The following MAP3K8 variants were observed in gnomAD, a reference collection of about 807,000 sequenced individuals.
MAP3K8 encodes mitogen-activated protein kinase kinase kinase 8, also known as Ewing sarcoma transformant.
Under a neutral mutation model 45.8 loss-of-function variants are expected in MAP3K8, and 22 were observed. The observed-to-expected ratio is 0.48, with a 90% CI of 0.34 to 0.69. MAP3K8 has a LOEUF of 0.69. Ranked by LOEUF, MAP3K8 falls within the 30% of genes least tolerant of loss-of-function variation. The pLI, the probability that MAP3K8 is intolerant of heterozygous loss-of-function variation, is 0.01. For missense variants in MAP3K8, 419 were observed against 585.0 expected, an observed-to-expected ratio of 0.72 and a Z score of 2.93; for synonymous variants, 223 against 214.3, an observed-to-expected ratio of 1.04 and a Z score of -0.36.
chr10:30,461,623 C>A lies in MAP3K8; in HGVS notation c.*787C>A, dbSNP rs942406283. On this transcript the variant is annotated 3_prime_UTR_variant, in exon 9 of 9. Coordinates refer to ENST00000263056, the MANE Select transcript of MAP3K8 (RefSeq NM_005204.4). Reference sequence around the variant, plus strand: ...TTTGTAATTCTTATGACTAAATTTTCTTTTAAGCATTTGTATATTAAAATA... The same window carrying A: ...TTTGTAATTCTTATGACTAAATTTTATTTTAAGCATTTGTATATTAAAATA... 1 of 187,598 alleles carries A rather than the reference C, an allele frequency of 5.3e-6. No individual in the cohort carries two copies. Among genetic ancestry groups the A allele is most frequent in the African/African-American group, 2.3e-5 (1 of 42,718 alleles). 11.6% of individuals were successfully genotyped at this position (187,598 alleles called of 1,614,324 possible). A position where few individuals can be genotyped will look rare whatever the true frequency, so the allele number is the denominator to read the frequency against.
At position 30,447,886 on chromosome 10, in the gene MAP3K8, C is replaced by A; in HGVS notation, c.441C>A (p.Gly147=). The change falls in exon 4 of 9, where the codon GGC becomes GGA. Residue 147 remains glycine, a synonymous_variant. Transcript: ENST00000263056. ...RNIGSDFIPR[G]AFGKVYLAQD... is the part of the protein sequence containing the mutation. ...TTGGTTCTGATTTTATTCCTCGGGG[C>A]GCCTTTGGAAAGGTATACTTGGCAC... 1.9e-6 allele frequency: 3 copies of A among 1,613,638 alleles called. 1 individual carries two copies. Among genetic ancestry groups the A allele is most frequent in the Non-Finnish European group, 2.5e-6 (3 of 1,179,786 alleles).
rs575427561 is a variant in MAP3K8, at chr10:30,456,791, G to A, written c.874-1293G>A. On this transcript the variant is annotated intron_variant, in intron 6 of 8. Transcript: ENST00000263056. The stretch of plus-strand genomic sequence containing the variant: ...TGGGCTCAAGCAATCTTCCTGCCTC[G>A]GCCTTCCAAAGTGCTGAGATTCAGT... 3.9e-5 allele frequency among the ~76,000 whole-genome samples: 6 copies of A among 152,022 alleles called. No homozygotes were observed. In the South Asian group the frequency reaches 6.2e-4, roughly 16 times the overall value.
intron 7 of MAP3K8, 31 bp downstream of exon 7, chr10:30,458,267 G>GC: frequency 8.2e-7 from 1 of 1,225,806 alleles, no homozygotes; most frequent in Non-Finnish European, 1.1e-6. Context: ...GCTGGGGGCG[G>GC]CGGGGGGGGG....
rs190602161 is a variant in MAP3K8, at chr10:30,451,816, G to A, written c.873+72G>A. 1.2e-4 allele frequency: 100 copies of A among 852,982 alleles called. 2 individuals carry two copies. The Admixed American group carries it at 2.5e-3, about 21-fold the overall frequency. 52.8% of individuals were successfully genotyped at this position (852,982 alleles called of 1,614,324 possible). A position where few individuals can be genotyped will look rare whatever the true frequency, so the allele number is the denominator to read the frequency against. On this transcript the variant is annotated intron_variant, in intron 6 of 8. Coordinates refer to ENST00000263056, the MANE Select transcript of MAP3K8 (RefSeq NM_005204.4). ...AAGGAAAAAATGTTCTAGAATTATT[G>A]TGGGAACGAAGGACAAAGAAGGGGA...
chr10:30,459,313 G>A lies in MAP3K8; in HGVS notation c.1085G>A (p.Arg362Lys). 1 of 1,614,170 alleles carries A rather than the reference G, an allele frequency of 6.2e-7. No homozygotes were observed. ...DIADDCSPGM[R>K]ELIEASLERN... is the part of the protein sequence containing the mutation. ...GCAGATGACTGCAGTCCAGGGATGA[G>A]AGAGCTGATAGAAGCTTCCCTGGAG... The change falls in exon 8 of 9, where the codon AGA becomes AAA. Residue 362 changes from arginine (R) to lysine (K), a missense_variant. Around this residue, in one of 3 missense-constraint regions of MAP3K8, gnomAD observed 209 missense variants for 367.3 expected, o/e 0.57. Coordinates refer to ENST00000263056, the MANE Select transcript of MAP3K8 (RefSeq NM_005204.4).
intron 3 of MAP3K8, among the ~76,000 whole-genome samples, chr10:30,446,617 G>A (rs976503959): frequency 6.6e-6 from 1 of 151,734 alleles, no homozygotes; most frequent in Non-Finnish European, 1.5e-5. Context: ...TGATTACATT[G>A]AGGAGAAACT....
At chr10:30,443,798 G>A (rs1836205074) in intron 3 of MAP3K8, among the ~76,000 whole-genome samples, 1 of 152,222 alleles carries the variant, frequency 6.6e-6, no homozygotes, top group Admixed American at 6.5e-5. Flanking sequence ...CAGTGATCTG[G>A]ATGAGGAGAT....
chr10:30,451,698 A>G lies in MAP3K8; in HGVS notation c.827A>G (p.Gln276Arg). The G allele has an allele frequency of 6.3e-7, 1 of 1,598,300 alleles. No individual in the cohort carries two copies. ...AVLVDFGLSV[Q>R]MTEDVYFPKD... ...TTGGTGGATTTTGGCCTAAGTGTTC[A>G]AATGACCGAAGATGTCTATTTTCCT... is the stretch of plus-strand genomic sequence containing the variant. Residue 276 changes from glutamine to arginine, a missense_variant, in exon 6 of 9, where the codon CAA (glutamine) becomes CGA (arginine). Around this residue, in one of 3 missense-constraint regions of MAP3K8, gnomAD observed 209 missense variants for 367.3 expected, o/e 0.57. Transcript: ENST00000263056.
chr10:30,438,758 C>T (rs1359604873), intron 2 of MAP3K8, 158 bp from the exon 3 acceptor site: 2 of 559,510 alleles, frequency 3.6e-6, no homozygotes, highest in South Asian at 2.2e-5. Context: ...CAACTCTGCA[C>T]TGTCAACTTG....
chr10:30,438,919 C>T lies in MAP3K8; in HGVS notation c.-20C>T, dbSNP rs1302582568. ...ATATTTGTGTTTTCTTTCCTAGACT[C>T]TCCAGAAAGAGCAACAGTAATGGAG... On this transcript the variant is annotated 5_prime_UTR_variant, in exon 3 of 9. Transcript: ENST00000263056. The T allele has an allele frequency of 6.5e-7, 1 of 1,546,802 alleles. No homozygotes were observed. Among genetic ancestry groups the T allele is most frequent in the Non-Finnish European group, 8.8e-7 (1 of 1,130,696 alleles).
intron 6 of MAP3K8, 40 bp from the exon 7 acceptor site, chr10:30,458,044 G>A (rs772742956): frequency 7.8e-6 from 11 of 1,411,052 alleles, no homozygotes; most frequent in Non-Finnish European, 3.7e-6. Context: ...CCCACACAAA[G>A]GAGGGGAATG....
At chr10:30,435,601 G>A (rs1476626431) in intron 1 of MAP3K8, among the ~76,000 whole-genome samples, 3 of 152,162 alleles carry the variant, frequency 2.0e-5, no homozygotes, top group East Asian at 1.9e-4. Flanking sequence ...CGCCCAGGCT[G>A]GAGCGCAATG....
At chr10:30,454,747 G>A (rs1416648555) in intron 6 of MAP3K8, among the ~76,000 whole-genome samples, 2 of 149,892 alleles carry the variant, frequency 1.3e-5, no homozygotes, top group South Asian at 2.1e-4. Flanking sequence ...AAGGGAAGCT[G>A]TACTTTTTTT....
At position 30,450,334 on chromosome 10, in the gene MAP3K8, A is replaced by G; in HGVS notation, c.581A>G (p.Tyr194Cys). 1 of 1,614,172 alleles carries G rather than the reference A, an allele frequency of 6.2e-7. No individual in the cohort carries two copies. Among genetic ancestry groups the G allele is most frequent in the Non-Finnish European group, 8.5e-7 (1 of 1,180,024 alleles). ...CFRHENIAEL[Y>C]GAVLWGETVH... ...CGGCACGAGAACATCGCAGAGCTGTATGGCGCAGTCCTGTGGGGTGAAACT... is the reference window on the plus strand; with the variant it reads ...CGGCACGAGAACATCGCAGAGCTGTGTGGCGCAGTCCTGTGGGGTGAAACT... The change falls in exon 5 of 9, where the codon TAT (tyrosine) becomes TGT (cysteine). Residue 194 changes from tyrosine to cysteine, a missense_variant. By Grantham distance (194) the Tyr-to-Cys change is radical (BLOSUM62 -2). Transcript: ENST00000263056.
At chr10:30,458,276 G>GGA (rs1554774899) in intron 7 of MAP3K8, 40 bp downstream of exon 7, 8 of 1,358,794 alleles carry the variant, frequency 5.9e-6, no homozygotes, top group East Asian at 2.8e-5. Context: ...GGCGGGGGGG[G>GGA]GCGTTGAGTT....
At chr10:30,456,529 C>T (rs983432332) in intron 6 of MAP3K8, among the ~76,000 whole-genome samples, 2 of 152,022 alleles carry the variant, frequency 1.3e-5, no homozygotes, top group African/African-American at 4.8e-5. Context: ...AAATGTGTTC[C>T]GGAAACACTG....
At position 30,450,414 on chromosome 10, in the gene MAP3K8, A is replaced by T. The variant is rs1836496552; in HGVS notation, c.661A>T (p.Ser221Cys). Residue 221 changes from serine to cysteine, a missense_variant, in exon 5 of 9, where the codon AGC (serine) becomes TGC (cysteine). Transcript: ENST00000263056. ...EGGSVLEKLE[S>C]CGPMREFEII... ...AGGGTCTGTTCTGGAGAAACTGGAGAGCTGTGGACCAATGAGAGAATTTGA... is the reference window on the plus strand; with the variant it reads ...AGGGTCTGTTCTGGAGAAACTGGAGTGCTGTGGACCAATGAGAGAATTTGA... The T allele has an allele frequency of 1.2e-6, 2 of 1,614,146 alleles. No individual in the cohort carries two copies. Among genetic ancestry groups the T allele is most frequent in the South Asian group, 2.2e-5 (2 of 91,080 alleles).
At chr10:30,448,028 C>A in intron 4 of MAP3K8, 79 bp downstream of exon 4, 1 of 1,329,700 alleles carries the variant, frequency 7.5e-7, no homozygotes, top group Non-Finnish European at 1.0e-6. Flanking sequence ...TTGCATTAAC[C>A]AAAGGTTTTT....
At chr10:30,448,391 G>T (rs1444181068) in intron 4 of MAP3K8, among the ~76,000 whole-genome samples, 2 of 145,982 alleles carry the variant, frequency 1.4e-5, no homozygotes, top group African/African-American at 2.5e-5. Context: ...ATACATCAAT[G>T]ATTGAAAAGA....
Sources: allele counts gnomAD v4.1 joint callset (sites outside exome capture counted in the v4.1 genomes callset), GRCh38; gene constraint gnomAD v4.1.1; regional missense constraint gnomAD v4.1.1; transcripts MANE v1.5; gene names NCBI Gene and HGNC (gene_info 2026-07-23, HGNC 2026-07-21).